RFWD3: variants seen among roughly 807,000 people sequenced by gnomAD.
The protein encoded by RFWD3 is E3 ubiquitin-protein ligase RFWD3.
A neutral mutation model predicts 87.7 loss-of-function variants in RFWD3; 65 were observed. The ratio of observed to expected loss-of-function variants is 0.74; its 90% CI spans 0.61 to 0.91. RFWD3 has a LOEUF of 0.91. RFWD3 is among the 40% of genes least tolerant of loss of function. The pLI is 0.00. For missense variants in RFWD3, 1,078 were observed against 938.5 expected (o/e 1.15, Z -1.94); for synonymous variants, 433 against 352.8 (o/e 1.23, Z -2.55).
intron 9 of RFWD3, among the ~76,000 whole-genome samples, chr16:74,631,835 G>A (rs1451618321): frequency 6.6e-6 from 1 of 152,000 alleles, no homozygotes; most frequent in Non-Finnish European, 1.5e-5. Context: ...TGGCCAGGCT[G>A]GTCTCAAACC....
At chr16:74,651,118 C>A (rs1411490067) in intron 3 of RFWD3, among the ~76,000 whole-genome samples, 2 of 151,990 alleles carry the variant, frequency 1.3e-5, no homozygotes, top group Non-Finnish European at 2.9e-5. Context: ...AATTCATAAT[C>A]CAAGAATATT....
At chr16:74,635,700 G>C (rs1050733179) in intron 8 of RFWD3, among the ~76,000 whole-genome samples, 1 of 152,162 alleles carries the variant, frequency 6.6e-6, no homozygotes, top group Non-Finnish European at 1.5e-5. Context: ...ATGGGATAAA[G>C]GAACATTATA....
rs1022599065 is a variant in RFWD3 at position 74,660,723 on chromosome 16, C to A, written c.518+209G>T. The A allele has an allele frequency of 7.2e-6, 4 of 556,224 alleles. No individual in the cohort carries two copies. The East Asian group carries it at 9.1e-5, about 13-fold the overall frequency. The allele number at this position is 556,224 out of a possible 1,614,324, so 34.5% of individuals were successfully genotyped here. ...TCTACAGAGATTGCCAACAAACTACCACCTAGTTTTCAAGGCACAACAGTT... is the reference window on the plus strand; with the variant it reads ...TCTACAGAGATTGCCAACAAACTACAACCTAGTTTTCAAGGCACAACAGTT... On this transcript the variant is annotated intron_variant, in intron 2 of 12. Transcript: ENST00000361070.
At chr16:74,631,093 A>G in intron 9 of RFWD3, 136 bp from the exon 10 acceptor site, 1 of 715,842 alleles carries the variant, frequency 1.4e-6, no homozygotes. Context: ...TGGATTCCCT[A>G]TTTTTTCTAG....
intron 6 of RFWD3, among the ~76,000 whole-genome samples, chr16:74,639,720 A>C (rs1372642916): frequency 3.3e-5 from 5 of 152,258 alleles, no homozygotes; most frequent in Non-Finnish European, 5.9e-5. Flanking sequence ...AAATAGCAAA[A>C]AAATACTTTT....
Position 74,661,285 on chromosome 16 carries a change from T to C in RFWD3, c.165A>G (p.Pro55=), listed in dbSNP as rs1774056257. Residue 55 remains proline (P), a synonymous_variant, in exon 2 of 13, where the codon CCA becomes CCG. Transcript: ENST00000361070. ...SSQGVPSILQ[P]APAEVISSQA... ...GGCTGCTGATCACCTCAGCAGGAGC[T>C]GGCTGGAGGATGGATGGTACCCCCT... 1 of 1,614,106 alleles carries C rather than the reference T, an allele frequency of 6.2e-7. No homozygotes were observed. The highest frequency in any genetic ancestry group is 2.2e-5 in the East Asian group (1 of 44,882).
In RFWD3 at chr16:74,661,446, C is replaced by T; in HGVS notation, c.4G>A (p.Ala2Thr). The T allele has an allele frequency of 6.2e-7, 1 of 1,602,202 alleles. No individual in the cohort carries two copies. The highest frequency in any genetic ancestry group is 8.5e-7 in the Non-Finnish European group (1 of 1,175,326). The change falls in exon 2 of 13, where the codon GCT (alanine) becomes ACT (threonine). Residue 2 changes from alanine to threonine, a missense_variant. Physicochemically the swap from Ala to Thr is moderately conservative, Grantham distance 58 (BLOSUM62 0). Coordinates refer to ENST00000361070, the MANE Select transcript of RFWD3 (RefSeq NM_018124.4). ...ACATCATATTCCATTGCTTCATGAG[C>T]CATCACTAGAGAAACAGTATTTGTA... Reference protein sequence around the residue: MAHEAMEYDVQV... With the variant: MTHEAMEYDVQV...
At chr16:74,645,020 T>C (rs190231823) in intron 4 of RFWD3, among the ~76,000 whole-genome samples, 89 of 152,282 alleles carry the variant, frequency 5.8e-4, no homozygotes, top group Admixed American at 5.6e-3. Flanking sequence ...ATAGCAGCTA[T>C]AAAATATTTA....
In RFWD3 at chr16:74,637,792, T is replaced by G; in HGVS notation, c.1194+64A>C. On this transcript the variant is annotated intron_variant, in intron 7 of 12. Coordinates refer to ENST00000361070, the MANE Select transcript of RFWD3 (RefSeq NM_018124.4). ...TATTTGTTTCTGAGATGAACATAACTAACATTAGCTTCCTCTTCCATTCCT... is the reference window on the plus strand; with the variant it reads ...TATTTGTTTCTGAGATGAACATAACGAACATTAGCTTCCTCTTCCATTCCT... 1.0e-5 allele frequency: 12 copies of G among 1,184,924 alleles called. No individual in the cohort carries two copies. In the South Asian group the frequency reaches 1.4e-4, roughly 14 times the overall value. 73.4% of individuals were successfully genotyped at this position (1,184,924 alleles called of 1,614,324 possible).
intron 9 of RFWD3, among the ~76,000 whole-genome samples, chr16:74,631,919 C>A (rs1445695211): frequency 6.6e-6 from 1 of 152,188 alleles, no homozygotes; most frequent in Non-Finnish European, 1.5e-5. Flanking sequence ...CACGCCTGGT[C>A]TCCACCAACT....
At chr16:74,632,951 G>A (rs1959147031) in intron 8 of RFWD3, among the ~76,000 whole-genome samples, 1 of 151,994 alleles carries the variant, frequency 6.6e-6, no homozygotes, top group Non-Finnish European at 1.5e-5. Context: ...ACAGGCATGA[G>A]CCACCACACC....
chr16:74,639,973 T>C (rs1402354254), intron 6 of RFWD3, among the ~76,000 whole-genome samples: 3 of 151,806 alleles, frequency 2.0e-5, no homozygotes, highest in Non-Finnish European at 2.9e-5. Context: ...TTGCTCTATT[T>C]TATTATTTAT....
In RFWD3 at chr16:74,624,053, C is replaced by A; in HGVS notation, c.2200G>T (p.Gly734Cys). ...NSALLWDAAS[G>C]SLLQDLQTDQ... Reference sequence around the variant, plus strand: ...GTCTGTAGGTCCTGGAGCAACGAGCCACTGGCAGCATCCCACAGCTAAAGA... The same window carrying A: ...GTCTGTAGGTCCTGGAGCAACGAGCAACTGGCAGCATCCCACAGCTAAAGA... Residue 734 changes from glycine (G) to cysteine (C), a missense_variant, in exon 13 of 13, where the codon GGC becomes TGC. By Grantham distance (159) the Gly-to-Cys change is radical. Coordinates refer to ENST00000361070, the MANE Select transcript of RFWD3 (RefSeq NM_018124.4). 6.2e-7 allele frequency: 1 copy of A among 1,613,928 alleles called. No individual in the cohort carries two copies. The highest frequency in any genetic ancestry group is 1.3e-5 in the African/African-American group (1 of 75,008).
chr16:74,628,085 G>C (rs1443314100), intron 11 of RFWD3, among the ~76,000 whole-genome samples: 2 of 152,250 alleles, frequency 1.3e-5, no homozygotes, highest in Admixed American at 1.3e-4. Context: ...CCCTAATCTG[G>C]GCCTTTCTCT....
intron 1 of RFWD3, among the ~76,000 whole-genome samples, chr16:74,664,135 A>G (rs1961687117): frequency 6.6e-6 from 1 of 152,202 alleles, no homozygotes; most frequent in Non-Finnish European, 1.5e-5. Flanking sequence ...CATTTTTTGT[A>G]TAGATGGGGT....
chr16:74,626,585 T>C (rs1958942286), intron 11 of RFWD3, 31 bp from the exon 12 acceptor site: 2 of 1,578,330 alleles, frequency 1.3e-6, no homozygotes, highest in East Asian at 2.2e-5. Flanking sequence ...TGCTGCACCA[T>C]GGGGACGCTA....
intron 6 of RFWD3, among the ~76,000 whole-genome samples, chr16:74,641,523 C>T (rs1959644272): frequency 6.6e-6 from 1 of 152,016 alleles, no homozygotes; most frequent in Non-Finnish European, 1.5e-5. Flanking sequence ...ATGAAAAAAA[C>T]TAGAGTCCCA....
At chr16:74,650,884 AC>A (rs1388887519) in intron 3 of RFWD3, among the ~76,000 whole-genome samples, 7 of 151,866 alleles carry the variant, frequency 4.6e-5, no homozygotes, top group African/African-American at 1.7e-4. Flanking sequence ...CTCAAAAAAA[AC>A]AAATGAAAAA....
In RFWD3 at chr16:74,621,537, C is replaced by T. The variant is rs375543700; in HGVS notation, c.*2391G>A. On this transcript the variant is annotated 3_prime_UTR_variant, in exon 13 of 13. Transcript: ENST00000361070. ...ATACAATGACAAGACATTTTGAGTT[C>T]GTTTAACTCCAAATCCTCAAGTGGG... The T allele has an allele frequency of 2.6e-5, 4 of 152,070 alleles. No individual in the cohort carries two copies. Among genetic ancestry groups the T allele is most frequent in the East Asian group, 1.9e-4 (1 of 5,202 alleles). 9.4% of individuals were successfully genotyped at this position (152,070 alleles called of 1,614,324 possible).
Sources: allele counts gnomAD v4.1 joint callset (sites outside exome capture counted in the v4.1 genomes callset), GRCh38; gene constraint gnomAD v4.1.1; transcripts MANE v1.5; gene names NCBI Gene and HGNC (gene_info 2026-07-23, HGNC 2026-07-21).